SH2B2: variants seen among roughly 807,000 people sequenced by gnomAD.
SH2B2 encodes the protein SH2B adaptor protein 2.
Under a neutral mutation model 35.7 loss-of-function variants are expected in SH2B2, and 37 were observed. The ratio of observed to expected loss-of-function variants is 1.04; its 90% CI spans 0.80 to 1.36. The LOEUF (loss-of-function observed/expected upper bound fraction) is 1.36, where lower values mean the gene tolerates loss of function less well. Ranked by LOEUF, SH2B2 falls within the 40% of genes most tolerant of loss-of-function variation. SH2B2 has a pLI of 0.00. For synonymous variants in SH2B2, 383 were observed against 376.4 expected (o/e 1.02, Z -0.20); for missense variants, 852 against 817.7 (o/e 1.04, Z -0.51).
chr7:102,285,549 C>T (rs988335189), upstream of SH2B2, among the ~76,000 whole-genome samples: 2 of 152,240 alleles, frequency 1.3e-5, no homozygotes, highest in South Asian at 2.1e-4. Flanking sequence ...TCCGTGCCCC[C>T]GTGGAGGGCA....
At chr7:102,289,923 C>G (rs1792608677) in intron 1 of SH2B2, among the ~76,000 whole-genome samples, 1 of 152,164 alleles carries the variant, frequency 6.6e-6, no homozygotes, top group South Asian at 2.1e-4. Flanking sequence ...CTGTCCTCCA[C>G]CTGCAGAGCC....
intron 1 of SH2B2, among the ~76,000 whole-genome samples, chr7:102,298,849 A>G (rs1160660294): frequency 6.7e-6 from 1 of 149,116 alleles, no homozygotes; most frequent in Admixed American, 6.7e-5. Flanking sequence ...ATTACAGGCC[A>G]ATGTGTAAGC....
intron 4 of SH2B2, chr7:102,309,355 C>CTCTTTT: frequency 5.5e-6 from 1 of 183,140 alleles, no homozygotes; most frequent in Non-Finnish European, 1.0e-5. Flanking sequence ...CTCTCTCTCT[C>CTCTTTT]TTTTTTTTTT....
rs1794015916 is a variant in SH2B2, at chr7:102,320,520, G to C, written c.1567+18G>C. 6.2e-7 allele frequency: 1 copy of C among 1,606,920 alleles called. No individual in the cohort carries two copies. Among genetic ancestry groups the C allele is most frequent in the Admixed American group, 1.7e-5 (1 of 59,598 alleles). ...CCCACCAGGTAAGATGCCGCCACCT[G>C]GCTGGTGTGATTACTCAAGAAGACT... On this transcript the variant is annotated intron_variant, in intron 8 of 8. Transcript: ENST00000444095.
At chr7:102,318,089 G>A (rs980724680) in intron 7 of SH2B2, among the ~76,000 whole-genome samples, 1 of 152,124 alleles carries the variant, frequency 6.6e-6, no homozygotes, top group African/African-American at 2.4e-5. Context: ...CCCAGGCGGT[G>A]TGCTTTCAAG....
chr7:102,320,286 C>A, intron 7 of SH2B2, 45 bp from the exon 8 acceptor site: 1 of 1,526,144 alleles, frequency 6.6e-7, no homozygotes, highest in South Asian at 1.1e-5. Context: ...TACCCAGGTG[C>A]CCAGCCCCGG....
At chr7:102,303,387 C>T (rs1233266528) in intron 2 of SH2B2, among the ~76,000 whole-genome samples, 1 of 152,156 alleles carries the variant, frequency 6.6e-6, no homozygotes, top group Non-Finnish European at 1.5e-5. Context: ...CCCACACCCA[C>T]CTCCCGCATC....
chr7:102,298,914 CTTTTTTTTT>C (rs1182008499), intron 1 of SH2B2, among the ~76,000 whole-genome samples: 2 of 93,386 alleles, frequency 2.1e-5, no homozygotes, highest in African/African-American at 9.0e-5. Flanking sequence ...TCTTTCTTCT[CTTTTTTTTT>C]TTTTTTTTTT....
intron 1 of SH2B2, among the ~76,000 whole-genome samples, chr7:102,289,417 G>A (rs1174971037): frequency 6.6e-6 from 1 of 152,110 alleles, no homozygotes; most frequent in Non-Finnish European, 1.5e-5. Context: ...CTGCTATTGG[G>A]GCAGAACAGG....
upstream of SH2B2, chr7:102,286,756 G>A (rs1222065206): frequency 3.3e-5 from 1 of 29,862 alleles, no homozygotes; most frequent in Admixed American, 3.0e-4. Flanking sequence ...CGGCGCAAGT[G>A]GGGGCGGGAG....
chr7:102,308,094 C>G (rs1380850020), intron 3 of SH2B2, among the ~76,000 whole-genome samples: 1 of 152,194 alleles, frequency 6.6e-6, no homozygotes, highest in African/African-American at 2.4e-5. Flanking sequence ...TTGACAGAGG[C>G]ACACCACCGG....
In SH2B2 at chr7:102,300,909, A is replaced by G; in HGVS notation, c.359A>G (p.Asp120Gly). ...TACGGCCACTCGCGGAGCTCGGAGG[A>G]CGTGTCCACGCACGCGGCCACCAAG... ...APYGHSRSSE[D>G]VSTHAATKAR... The change falls in exon 2 of 9, where the codon GAC becomes GGC. Residue 120 changes from aspartate (D) to glycine (G), a missense_variant. Asp to Gly is a moderately conservative substitution (Grantham distance 94). Transcript: ENST00000444095. 6.7e-7 allele frequency: 1 copy of G among 1,481,496 alleles called. No individual in the cohort carries two copies. The highest frequency in any genetic ancestry group is 8.9e-7 in the Non-Finnish European group (1 of 1,120,436). 91.8% of individuals were successfully genotyped at this position (1,481,496 alleles called of 1,614,324 possible). A position where few individuals can be genotyped will look rare whatever the true frequency, so the allele number is the denominator to read the frequency against.
intron 1 of SH2B2, among the ~76,000 whole-genome samples, chr7:102,292,462 C>T (rs1433901505): frequency 4.7e-5 from 7 of 149,028 alleles, no homozygotes; most frequent in Non-Finnish European, 1.0e-4. Flanking sequence ...ACCCAGGAGG[C>T]GGAAGTTGCA....
At chr7:102,289,372 G>A (rs182893710) in intron 1 of SH2B2, among the ~76,000 whole-genome samples, 1 of 152,246 alleles carries the variant, frequency 6.6e-6, no homozygotes, top group East Asian at 1.9e-4. Flanking sequence ...GGATCAAGGG[G>A]CGTTCCCGAG....
chr7:102,308,746 C>A, intron 3 of SH2B2, 69 bp from the exon 4 acceptor site: 1 of 1,153,606 alleles, frequency 8.7e-7, no homozygotes, highest in Non-Finnish European at 1.3e-6. Flanking sequence ...GCCACTCTGA[C>A]CCTATGTCCT....
chr7:102,303,375 A>G (rs1202078311), intron 2 of SH2B2, among the ~76,000 whole-genome samples: 2 of 151,768 alleles, frequency 1.3e-5, no homozygotes, highest in African/African-American at 4.8e-5. Flanking sequence ...ACCACCGGGG[A>G]CCCCACACCC....
rs1056554988 is a variant in SH2B2 at position 102,317,219 on chromosome 7, G to A, written c.1219G>A (p.Glu407Lys). 2 of 1,609,802 alleles carry A rather than the reference G, an allele frequency of 1.2e-6. No homozygotes were observed. The highest frequency in any genetic ancestry group is 2.7e-5 in the African/African-American group (2 of 74,956). The change falls in exon 7 of 9, where the codon GAA becomes AAA. Residue 407 changes from glutamate to lysine, a missense_variant. Glu to Lys is a moderately conservative substitution (Grantham distance 56). Coordinates refer to ENST00000444095, the MANE Select transcript of SH2B2 (RefSeq NM_001359228.2). ...GGGTGCAGAGACGGATCCCGAGGCTGAACCCGAGCTGGAGCTATCCGACTA... is the reference window on the plus strand; with the variant it reads ...GGGTGCAGAGACGGATCCCGAGGCTAAACCCGAGCTGGAGCTATCCGACTA... ...EQGAETDPEA[E>K]PELELSDYPW...
chr7:102,321,660 A>T lies in SH2B2; in HGVS notation c.*30A>T. The T allele has an allele frequency of 9.0e-7, 1 of 1,116,800 alleles. No homozygotes were observed. The allele number at this position is 1,116,800 out of a possible 1,614,324, so 69.2% of individuals were successfully genotyped here. On this transcript the variant is annotated 3_prime_UTR_variant, in exon 9 of 9. Coordinates refer to ENST00000444095, the MANE Select transcript of SH2B2 (RefSeq NM_001359228.2). ...CGGCGCCGCCCGGGTGGGACACGCC[A>T]AGCTCTTCAGTGAAGACACGATGTT... is the stretch of plus-strand genomic sequence containing the variant.
rs554760986 is a variant in SH2B2 at position 102,291,749 on chromosome 7, G to A, written c.-30+4655G>A. On this transcript the variant is annotated intron_variant, in intron 1 of 8. Transcript: ENST00000444095. ...TCTCTGCGGAGGTGAGCAGTAACACGGGCTTGAAAACCAACGCCCACGTAT... is the reference window on the plus strand; with the variant it reads ...TCTCTGCGGAGGTGAGCAGTAACACAGGCTTGAAAACCAACGCCCACGTAT... 5.9e-5 allele frequency among the ~76,000 whole-genome samples: 9 copies of A among 152,306 alleles called. No individual in the cohort carries two copies. The South Asian group carries it at 1.9e-3, about 32-fold the overall frequency.
Sources: gnomAD v4.1 joint callset for allele counts (sites outside exome capture counted in the v4.1 genomes callset) on GRCh38, gnomAD v4.1.1 for gene constraint, MANE v1.5 for transcripts, NCBI Gene and HGNC (gene_info 2026-07-23, HGNC 2026-07-21) for gene names.